The following LSAMP variants were observed in gnomAD, a reference collection of about 807,000 sequenced individuals.
LSAMP encodes limbic system-associated membrane protein.
Under a neutral mutation model 38.6 loss-of-function variants are expected in LSAMP, and 7 were observed. The observed-to-expected ratio is 0.18, with a 90% CI of 0.10 to 0.34. The LOEUF is 0.34. Ranked by LOEUF, LSAMP falls within the 10% of genes least tolerant of loss-of-function variation. The probability of loss-of-function intolerance (pLI) is 1.00; values close to 1 mark genes in which losing one functional copy is unlikely to be tolerated. For synonymous variants in LSAMP, 154 were observed against 166.8 expected, an observed-to-expected ratio of 0.92 and a Z score of 0.59; for missense variants, 313 against 420.0, an observed-to-expected ratio of 0.75 and a Z score of 2.23.
intron 1 of LSAMP, 60 bp downstream of exon 1, chr3:116,444,806 ACACAAACACAC>A: frequency 2.0e-6 from 3 of 1,523,368 alleles, no homozygotes; most frequent in South Asian, 2.3e-5. Flanking sequence ...ACACACACAC[ACACAAACACAC>A]ACACACACAC....
chr3:115,842,273 G>A (rs1461645232), intron 5 of LSAMP, among the ~76,000 whole-genome samples, 185 bp downstream of exon 5: 1 of 152,228 alleles, frequency 6.6e-6, no homozygotes, highest in East Asian at 1.9e-4. Context: ...TTACCTGACT[G>A]CTTTTGGGCT....
chr3:116,180,870 CA>C (rs974649967), intron 1 of LSAMP, among the ~76,000 whole-genome samples: 2 of 151,946 alleles, frequency 1.3e-5, no homozygotes, highest in Non-Finnish European at 2.9e-5. Flanking sequence ...CACTTTTTAC[CA>C]CAAAGATGGT....
chr3:116,277,425 GT>G (rs1289594964), intron 1 of LSAMP, among the ~76,000 whole-genome samples: 1 of 151,580 alleles, frequency 6.6e-6, no homozygotes, highest in Non-Finnish European at 1.5e-5. Flanking sequence ...CTGGAGTGCA[GT>G]GGCGTGATCT....
intron 3 of LSAMP, among the ~76,000 whole-genome samples, chr3:115,872,874 A>G (rs1433891482): frequency 3.3e-5 from 5 of 152,166 alleles, no homozygotes; most frequent in African/African-American, 1.2e-4. Flanking sequence ...CTGAGAATTT[A>G]TTATGAACTA....
At chr3:116,053,997 A>G (rs1941442933) in intron 2 of LSAMP, among the ~76,000 whole-genome samples, 2 of 152,328 alleles carry the variant, frequency 1.3e-5, no homozygotes, top group South Asian at 4.1e-4. Flanking sequence ...CAGCTCAAAC[A>G]TATTATCTTA....
intron 1 of LSAMP, among the ~76,000 whole-genome samples, chr3:116,353,200 T>C (rs1365187655): frequency 6.6e-6 from 1 of 152,076 alleles, no homozygotes. Context: ...TGAGGGTTAA[T>C]AATACTGCAT....
At chr3:116,039,960 C>A (rs187510379) in intron 2 of LSAMP, among the ~76,000 whole-genome samples, 2 of 152,192 alleles carry the variant, frequency 1.3e-5, no homozygotes, top group East Asian at 3.9e-4. Flanking sequence ...TCCCCACGCT[C>A]CAGGTAACAG....
At chr3:116,089,669 AC>A (rs1708075432) in intron 1 of LSAMP, among the ~76,000 whole-genome samples, 2 of 152,126 alleles carry the variant, frequency 1.3e-5, no homozygotes, top group Admixed American at 1.3e-4. Flanking sequence ...GAATACACAT[AC>A]TTTTTCCTAA....
intron 1 of LSAMP, among the ~76,000 whole-genome samples, chr3:116,293,787 G>A (rs1323439813): frequency 1.3e-5 from 2 of 152,046 alleles, no homozygotes; most frequent in East Asian, 1.9e-4. Context: ...GTAAGATTCC[G>A]AGTTGGGGGT....
intron 1 of LSAMP, among the ~76,000 whole-genome samples, chr3:116,347,970 G>A (rs920489841): frequency 1.3e-5 from 2 of 151,248 alleles, no homozygotes; most frequent in Non-Finnish European, 2.9e-5. Flanking sequence ...GCATCAATGT[G>A]GGAAAAATAA....
At chr3:116,056,774 G>A (rs1301743902) in intron 2 of LSAMP, among the ~76,000 whole-genome samples, 1 of 152,070 alleles carries the variant, frequency 6.6e-6, no homozygotes, top group East Asian at 1.9e-4. Context: ...TGTTATGGGA[G>A]AAAAAGTAAC....
chr3:116,225,493 T>C (rs1206266691), intron 1 of LSAMP, among the ~76,000 whole-genome samples: 2 of 152,182 alleles, frequency 1.3e-5, no homozygotes, highest in African/African-American at 4.8e-5. Context: ...TAATTTGTTA[T>C]AGCAGCACCA....
intron 1 of LSAMP, among the ~76,000 whole-genome samples, chr3:116,374,435 A>C (rs1012225792): frequency 6.6e-6 from 1 of 151,890 alleles, no homozygotes; most frequent in African/African-American, 2.4e-5. Flanking sequence ...TATGAGTTTT[A>C]ATAAGCTTAA....
intron 3 of LSAMP, among the ~76,000 whole-genome samples, chr3:115,961,714 A>G (rs1388314828): frequency 6.6e-6 from 1 of 152,178 alleles, no homozygotes; most frequent in African/African-American, 2.4e-5. Context: ...GGCCAGTTTC[A>G]CAGATTGCTT....
At chr3:116,086,668 T>G in intron 1 of LSAMP, 112 bp from the exon 2 acceptor site, 1 of 780,776 alleles carries the variant, frequency 1.3e-6, no homozygotes, top group South Asian at 1.7e-5. Flanking sequence ...ATATGCAGAA[T>G]GAATTATTGC....
At chr3:116,248,504 T>A (rs1003320078) in intron 1 of LSAMP, among the ~76,000 whole-genome samples, 83 of 151,078 alleles carry the variant, frequency 5.5e-4, no homozygotes, top group Middle Eastern at 6.8e-3. Flanking sequence ...TGTGTGTGTG[T>A]GTGTGTGTGT....
chr3:116,302,180 T>C (rs2047419133), intron 1 of LSAMP, among the ~76,000 whole-genome samples: 2 of 152,240 alleles, frequency 1.3e-5, no homozygotes, highest in Non-Finnish European at 2.9e-5. Context: ...ACCAGTGGCA[T>C]TCTAAATAAT....
intron 1 of LSAMP, among the ~76,000 whole-genome samples, chr3:116,173,210 A>G (rs910561208): frequency 2.6e-5 from 4 of 152,060 alleles, no homozygotes; most frequent in African/African-American, 4.8e-5. Flanking sequence ...TGTTGGATGA[A>G]TAAGTGACAA....
chr3:115,914,526 A>G (rs1305972633), intron 3 of LSAMP, among the ~76,000 whole-genome samples: 1 of 152,190 alleles, frequency 6.6e-6, no homozygotes, highest in African/African-American at 2.4e-5. Context: ...TGTTGCATTC[A>G]GAGTTGAGCC....
Sources: allele counts gnomAD v4.1 joint callset (sites outside exome capture counted in the v4.1 genomes callset), GRCh38; gene constraint gnomAD v4.1.1; transcripts MANE v1.5; gene names NCBI Gene and HGNC (gene_info 2026-07-23, HGNC 2026-07-21).